Variants in PRICKLE1 observed in about 807,000 individuals in gnomAD.
PRICKLE1 encodes prickle-like protein 1.
Under a neutral mutation model 70.2 loss-of-function variants are expected in PRICKLE1, and 14 were observed. The ratio of observed to expected loss-of-function variants is 0.20; its 90% CI spans 0.13 to 0.31. The LOEUF is 0.31. Ranked by LOEUF, PRICKLE1 falls within the 10% of genes least tolerant of loss-of-function variation. The pLI is 1.00. For synonymous variants in PRICKLE1, 357 were observed against 379.9 expected (o/e 0.94, Z 0.70); for missense variants, 821 against 1,026.2 (o/e 0.80, Z 2.73).
At chr12:42,577,647 C>A (rs1370410182) in intron 1 of PRICKLE1, among the ~76,000 whole-genome samples, 2 of 152,128 alleles carry the variant, frequency 1.3e-5, no homozygotes, top group African/African-American at 4.8e-5. Context: ...AAATCATCAG[C>A]CTCTCCTCAC....
intron 1 of PRICKLE1, among the ~76,000 whole-genome samples, chr12:42,586,745 A>T (rs1270420408): frequency 6.6e-6 from 1 of 152,238 alleles, no homozygotes; most frequent in Admixed American, 6.5e-5. Context: ...ACAATCACTC[A>T]TAATACTTAA....
At chr12:42,461,389 G>T (rs1937828439) in intron 7 of PRICKLE1, among the ~76,000 whole-genome samples, 1 of 152,244 alleles carries the variant, frequency 6.6e-6, no homozygotes, top group Non-Finnish European at 1.5e-5. Flanking sequence ...TCTCCATCAT[G>T]AGCTAGTCTT....
chr12:42,557,928 G>T (rs1254954231), intron 1 of PRICKLE1, among the ~76,000 whole-genome samples: 1 of 152,190 alleles, frequency 6.6e-6, no homozygotes, highest in Non-Finnish European at 1.5e-5. Context: ...AATTTGATTA[G>T]ACTATTCTAA....
chr12:42,525,620 G>C (rs1939787285), intron 1 of PRICKLE1, among the ~76,000 whole-genome samples: 1 of 152,136 alleles, frequency 6.6e-6, no homozygotes, highest in African/African-American at 2.4e-5. Context: ...GTTGTTGGCA[G>C]GGAGAAATTT....
intron 7 of PRICKLE1, among the ~76,000 whole-genome samples, chr12:42,462,508 T>C (rs948260361): frequency 6.6e-6 from 1 of 152,096 alleles, no homozygotes; most frequent in Non-Finnish European, 1.5e-5. Flanking sequence ...GGCCAAATTA[T>C]GTCTATTTCT....
chr12:42,486,434 C>T (rs1938992113), intron 1 of PRICKLE1, among the ~76,000 whole-genome samples: 1 of 152,100 alleles, frequency 6.6e-6, no homozygotes, highest in Admixed American at 6.5e-5. Context: ...CTTCTCAGGC[C>T]CTCATAAGTA....
chr12:42,508,374 T>C (rs1939455413), intron 1 of PRICKLE1, among the ~76,000 whole-genome samples: 2 of 152,284 alleles, frequency 1.3e-5, no homozygotes, highest in African/African-American at 4.8e-5. Flanking sequence ...CTGAACATTA[T>C]GTGCAATGTA....
At chr12:42,573,303 C>T (rs1940752149) in intron 1 of PRICKLE1, among the ~76,000 whole-genome samples, 1 of 152,272 alleles carries the variant, frequency 6.6e-6, no homozygotes, top group East Asian at 1.9e-4. Flanking sequence ...AATAGACCAA[C>T]AGACAAGGAG....
intron 1 of PRICKLE1, among the ~76,000 whole-genome samples, chr12:42,558,957 A>C (rs1292751784): frequency 6.6e-6 from 1 of 152,232 alleles, no homozygotes; most frequent in Non-Finnish European, 1.5e-5. Flanking sequence ...TGATTGTATA[A>C]ATTTTTCATT....
intron 1 of PRICKLE1, among the ~76,000 whole-genome samples, chr12:42,567,526 T>G (rs183095631): frequency 1.5e-4 from 23 of 152,260 alleles, no homozygotes; most frequent in Admixed American, 5.9e-4. Context: ...AGAGAGAAGA[T>G]AAGAAGTATA....
intron 1 of PRICKLE1, among the ~76,000 whole-genome samples, chr12:42,495,375 TGTCTC>T: frequency 7.5e-6 from 1 of 133,976 alleles, no homozygotes; most frequent in African/African-American, 3.0e-5. Context: ...AGCCAGACCT[TGTCTC>T]AAAAAAAAAA....
At chr12:42,480,747 C>T (rs1357985378) in intron 1 of PRICKLE1, among the ~76,000 whole-genome samples, 3 of 152,102 alleles carry the variant, frequency 2.0e-5, no homozygotes, top group East Asian at 1.9e-4. Context: ...GAAGAGTGGA[C>T]GGTTTTGCTA....
intron 1 of PRICKLE1, among the ~76,000 whole-genome samples, chr12:42,499,821 G>A (rs1346996143): frequency 3.3e-5 from 5 of 152,008 alleles, no homozygotes; most frequent in South Asian, 2.1e-4. Flanking sequence ...TCTGCCTCCC[G>A]GGTTCAAGCG....
intron 1 of PRICKLE1, among the ~76,000 whole-genome samples, chr12:42,573,286 C>T (rs1330366759): frequency 2.6e-5 from 4 of 152,190 alleles, no homozygotes; most frequent in Non-Finnish European, 5.9e-5. Context: ...ACAAGATGTG[C>T]TTGCCAAATA....
intron 1 of PRICKLE1, among the ~76,000 whole-genome samples, chr12:42,558,958 AT>A (rs1297319181): frequency 2.0e-5 from 3 of 152,178 alleles, no homozygotes; most frequent in Non-Finnish European, 2.9e-5. Context: ...GATTGTATAA[AT>A]TTTTCATTTG....
intron 1 of PRICKLE1, among the ~76,000 whole-genome samples, chr12:42,546,146 G>A (rs1013532287): frequency 6.6e-6 from 1 of 152,084 alleles, no homozygotes; most frequent in African/African-American, 2.4e-5. Context: ...TTCAAAGCCT[G>A]ATGCCAAGCC....
At position 42,459,513 on chromosome 12, in the gene PRICKLE1, C is replaced by CAT. The variant is rs558821449; in HGVS notation, c.*294_*295dup. ...TCAACATCCAATCCCCTTCAGTCAG[C>CAT]ATCTTCAGTATTCCCTTGAGGACTG... On this transcript the variant is annotated 3_prime_UTR_variant, in exon 8 of 8. Transcript: ENST00000345127. The CAT allele has an allele frequency of 2.5e-4, 158 of 630,596 alleles. No individual in the cohort carries two copies. In the African/African-American group the frequency reaches 2.6e-3, roughly 10 times the overall value. 39.1% of individuals were successfully genotyped at this position (630,596 alleles called of 1,614,324 possible).
In PRICKLE1 at chr12:42,457,606, C is replaced by T. The variant is rs946311748; in HGVS notation, c.*2203G>A. 5 of 152,182 alleles carry T rather than the reference C, an allele frequency of 3.3e-5. No individual in the cohort carries two copies. The highest frequency in any genetic ancestry group is 1.2e-4 in the African/African-American group (5 of 41,438). 9.4% of individuals were successfully genotyped at this position (152,182 alleles called of 1,614,324 possible). ...TTTGTCCCAGTAACTACGCTGCTCCCGATTTATGTGCACATGTGCCAGTGT... is the reference window on the plus strand; with the variant it reads ...TTTGTCCCAGTAACTACGCTGCTCCTGATTTATGTGCACATGTGCCAGTGT... On this transcript the variant is annotated 3_prime_UTR_variant, in exon 8 of 8. Transcript: ENST00000345127.
chr12:42,489,359 A>G (rs1165906910), intron 1 of PRICKLE1, among the ~76,000 whole-genome samples: 3 of 151,700 alleles, frequency 2.0e-5, no homozygotes, highest in African/African-American at 7.3e-5. Context: ...GAAAGCAGAA[A>G]TTAACATTCC....
Sources: gnomAD v4.1 joint callset for allele counts (sites outside exome capture counted in the v4.1 genomes callset) on GRCh38, gnomAD v4.1.1 for gene constraint, MANE v1.5 for transcripts, NCBI Gene and HGNC (gene_info 2026-07-23, HGNC 2026-07-21) for gene names.